The following CSF2RA variants were observed in gnomAD, a reference collection of about 807,000 sequenced individuals.
The protein encoded by CSF2RA is granulocyte-macrophage colony-stimulating factor receptor subunit alpha.
Under a neutral mutation model 51.6 loss-of-function variants are expected in CSF2RA, and 42 were observed. The observed-to-expected ratio is 0.81, with a 90% confidence interval of 0.64 to 1.05. The LOEUF (loss-of-function observed/expected upper bound fraction) is 1.05, where lower values mean the gene tolerates loss of function less well. Among genes scored for constraint, CSF2RA ranks in the 50% least tolerant of loss-of-function variants. The pLI is 0.00. For synonymous variants in CSF2RA, 222 were observed against 193.0 expected, an observed-to-expected ratio of 1.15 and a Z score of -1.24; for missense variants, 530 against 501.1, an observed-to-expected ratio of 1.06 and a Z score of -0.55.
At chrX:1,321,729 C>T in the CSF2RA span, among the ~76,000 whole-genome samples, 1 of 152,166 alleles carries the variant, frequency 6.6e-6, no homozygotes, top group Non-Finnish European at 1.5e-5. Flanking sequence ...GGCACTGTCA[C>T]AAAAAGGCAG....
chrX:1,305,352 C>G (rs1347914472), intron 11 of CSF2RA, 94 bp from the exon 12 acceptor site: 2 of 1,363,870 alleles, frequency 1.5e-6, no homozygotes, highest in African/African-American at 1.4e-5. Flanking sequence ...AGCGCAGACA[C>G]CCCGCACGCA....
intron 4 of CSF2RA, among the ~76,000 whole-genome samples, chrX:1,286,272 C>G (rs1226952075): frequency 6.9e-6 from 1 of 144,510 alleles, no homozygotes; most frequent in African/African-American, 2.6e-5. Context: ...GACTCTGTCT[C>G]ATAAAATGCA....
At chrX:1,284,195 C>CTCTTTTTTTTTTTTTTT (rs1443798206) in intron 3 of CSF2RA, among the ~76,000 whole-genome samples, 1 of 91,750 alleles carries the variant, frequency 1.1e-5, no homozygotes, top group African/African-American at 3.9e-5. Context: ...CTCTGTCTCT[C>CTCTTTTTTTTTTTTTTT]TTTTTTTTTT....
intron 4 of CSF2RA, among the ~76,000 whole-genome samples, chrX:1,288,248 G>T (rs1242507749): frequency 2.0e-5 from 3 of 149,886 alleles, no homozygotes; most frequent in Admixed American, 6.7e-5. Flanking sequence ...TTGGGAGGCC[G>T]AGGCGGGTGG....
chrX:1,314,482 A>G (rs113126560), downstream of CSF2RA, among the ~76,000 whole-genome samples: 26,744 of 69,538 alleles, frequency 0.38, 3,843 homozygotes, highest in Admixed American at 0.42. Context: ...CAATGCACCT[A>G]CCCAACCCCA....
the CSF2RA span, among the ~76,000 whole-genome samples, chrX:1,320,275 G>A: frequency 2.6e-5 from 4 of 151,894 alleles, no homozygotes; most frequent in Non-Finnish European, 4.4e-5. Flanking sequence ...TGATCCACCC[G>A]CCTCGGCCTC....
intron 12 of CSF2RA, among the ~76,000 whole-genome samples, chrX:1,308,323 A>C (rs1175494492): frequency 2.6e-5 from 4 of 152,144 alleles, no homozygotes; most frequent in Non-Finnish European, 5.9e-5. Context: ...AGGCAGACAC[A>C]CAGGAAGATG....
chrX:1,271,289 C>G (rs1181861108), intron 1 of CSF2RA, among the ~76,000 whole-genome samples: 1 of 70,270 alleles, frequency 1.4e-5, no homozygotes, highest in East Asian at 3.5e-4. Flanking sequence ...TCCTGAGTAG[C>G]TGGGATTACA....
At chrX:1,299,943 C>T (rs1254797266) in intron 9 of CSF2RA, among the ~76,000 whole-genome samples, 1 of 151,316 alleles carries the variant, frequency 6.6e-6, no homozygotes, top group Non-Finnish European at 1.5e-5. Context: ...AGAGGCCGGG[C>T]GTGGTGGCTC....
At chrX:1,278,698 A>AAAAT (rs1556497849) in intron 2 of CSF2RA, among the ~76,000 whole-genome samples, 1 of 147,300 alleles carries the variant, frequency 6.8e-6, no homozygotes. Context: ...AAAAAAAAAA[A>AAAAT]TTCAGGGCAA....
chrX:1,315,186 G>A (rs2084522353), downstream of CSF2RA, among the ~76,000 whole-genome samples: 1 of 152,070 alleles, frequency 6.6e-6, no homozygotes, highest in Non-Finnish European at 1.5e-5. Context: ...AAGAGAGGGA[G>A]GGGAGACAGA....
At chrX:1,302,829 G>A (rs2148634123) in intron 10 of CSF2RA, 6 of 311,182 alleles carry the variant, frequency 1.9e-5, no homozygotes, top group East Asian at 9.8e-5. Context: ...GAGTAGCTAC[G>A]ATTACAGACA....
intron 2 of CSF2RA, among the ~76,000 whole-genome samples, chrX:1,281,083 TCTCCTCCTGCTCCC>T (rs2089964563): frequency 3.2e-5 from 1 of 31,142 alleles, no homozygotes; most frequent in Non-Finnish European, 6.5e-5. Flanking sequence ...TCCTCCTCCT[TCTCCTCCTGCTCCC>T]CTTCTCCTCC....
chrX:1,304,068 G>T (rs1201019585), intron 11 of CSF2RA, 49 bp downstream of exon 11: 1 of 1,453,120 alleles, frequency 6.9e-7, no homozygotes, highest in Admixed American at 1.7e-5. Flanking sequence ...GGCCAGGCCG[G>T]GAGGAAAGCG....
At chrX:1,291,508 A>C (rs1266539663) in intron 7 of CSF2RA, among the ~76,000 whole-genome samples, 3 of 151,136 alleles carry the variant, frequency 2.0e-5, no homozygotes, top group Non-Finnish European at 4.4e-5. Flanking sequence ...GGCCTCTTGG[A>C]GCCAGTCCCA....
the CSF2RA span, among the ~76,000 whole-genome samples, chrX:1,319,615 C>G: frequency 6.7e-6 from 1 of 149,496 alleles, no homozygotes; most frequent in Non-Finnish European, 1.5e-5. Context: ...TGGAATCTCA[C>G]TATGTTACCC....
the CSF2RA span, among the ~76,000 whole-genome samples, chrX:1,324,400 AAAGGAAAAGAAAG>A: frequency 7.4e-6 from 1 of 134,620 alleles, no homozygotes; most frequent in Admixed American, 7.4e-5. Context: ...AAGGAAGGAA[AAAGGAAAAGAAAG>A]GAAAGAAAAA....
chrX:1,317,577 T>A, the CSF2RA span, among the ~76,000 whole-genome samples: 16,168 of 149,202 alleles, frequency 0.11, 1,553 homozygotes, highest in East Asian at 0.43. Flanking sequence ...TATTTTATTT[T>A]TTTTTTTTGA....
chrX:1,288,113 T>C (rs2090974734), intron 4 of CSF2RA, among the ~76,000 whole-genome samples: 1 of 151,924 alleles, frequency 6.6e-6, no homozygotes, highest in Non-Finnish European at 1.5e-5. Context: ...GCGTATCCAC[T>C]CAGAGCCCTC....
Sources: gnomAD v4.1 joint callset for allele counts (sites outside exome capture counted in the v4.1 genomes callset) on GRCh38, gnomAD v4.1.1 for gene constraint, MANE v1.5 for transcripts, NCBI Gene and HGNC (gene_info 2026-07-23, HGNC 2026-07-21) for gene names.